CD4: variants seen among roughly 807,000 people sequenced by gnomAD.
The protein encoded by CD4 is CD4 molecule.
In CD4, 25 loss-of-function variants were observed where a neutral mutation model predicts 50.5. The ratio of observed to expected loss-of-function variants is 0.49; its 90% CI spans 0.36 to 0.69. The LOEUF is 0.69. CD4 is among the 30% of genes least tolerant of loss of function. CD4 has a pLI of 0.00. For synonymous variants in CD4, 207 were observed against 221.9 expected (o/e 0.93, Z 0.60); for missense variants, 456 against 548.5 (o/e 0.83, Z 1.68).
intron 3 of CD4, among the ~76,000 whole-genome samples, chr12:6,813,841 A>G (rs782504965): frequency 6.6e-6 from 1 of 152,304 alleles, no homozygotes; most frequent in South Asian, 2.1e-4. Flanking sequence ...TGTTGACAGT[A>G]TCTATTTCTC....
At chr12:6,802,923 A>C (rs1942607970) in intron 3 of CD4, among the ~76,000 whole-genome samples, 1 of 151,394 alleles carries the variant, frequency 6.6e-6, no homozygotes, top group South Asian at 2.1e-4. Context: ...TTTATTAGAG[A>C]CAGGGTTCCA....
chr12:6,812,699 G>A (rs552218333), intron 3 of CD4, among the ~76,000 whole-genome samples: 7 of 151,730 alleles, frequency 4.6e-5, no homozygotes, highest in African/African-American at 1.2e-4. Flanking sequence ...AAAGCAAAGG[G>A]CATATAGTGA....
In CD4 at chr12:6,814,126, T is replaced by C. The variant is rs781813157; in HGVS notation, c.215-16T>C. ...CAGGGCGCCTCAGTCCCCCCCCATATGTCTTCTGCTCCCAGGTCCATCCAA... is the reference window on the plus strand; with the variant it reads ...CAGGGCGCCTCAGTCCCCCCCCATACGTCTTCTGCTCCCAGGTCCATCCAA... On this transcript the variant is annotated splice_polypyrimidine_tract_variant and intron_variant, in intron 3 of 9. Coordinates refer to ENST00000011653, the MANE Select transcript of CD4 (RefSeq NM_000616.5). 6.2e-7 allele frequency: 1 copy of C among 1,611,784 alleles called. No individual in the cohort carries two copies.
chr12:6,804,162 GCACACACACA>G (rs57392353), intron 3 of CD4, among the ~76,000 whole-genome samples: 20 of 150,466 alleles, frequency 1.3e-4, no homozygotes, highest in African/African-American at 4.6e-4. Flanking sequence ...AAAATAAAAA[GCACACACACA>G]CACACACACA....
chr12:6,818,726 T>G lies in CD4; in HGVS notation c.1279-121T>G. 4 of 1,178,532 alleles carry G rather than the reference T, an allele frequency of 3.4e-6. No individual in the cohort carries two copies. Among genetic ancestry groups the G allele is most frequent in the Non-Finnish European group, 5.1e-6 (4 of 791,306 alleles). The allele number at this position is 1,178,532 out of a possible 1,614,324, so 73.0% of individuals were successfully genotyped here. On this transcript the variant is annotated intron_variant, in intron 8 of 9. Transcript: ENST00000011653. This position sits in a 1 kb window ranked among gnomAD's most constrained non-coding sequence, Gnocchi z 5.0. The stretch of plus-strand genomic sequence containing the variant: ...AAGGAGCAGAGAGTTAATTCCAGGA[T>G]AGATGGCCTGGGCCATGTAACTGCT...
chr12:6,793,145 C>A (rs959548818), intron 1 of CD4, among the ~76,000 whole-genome samples: 2 of 152,018 alleles, frequency 1.3e-5, no homozygotes, highest in Non-Finnish European at 2.9e-5. Flanking sequence ...CCCAAAGCAC[C>A]AAAGCAAGCA....
chr12:6,808,707 T>C (rs1942848442), intron 3 of CD4, among the ~76,000 whole-genome samples: 1 of 152,116 alleles, frequency 6.6e-6, no homozygotes, highest in African/African-American at 2.4e-5. Context: ...TCCCCTAATA[T>C]ATGGCCATTA....
At chr12:6,802,288 C>T (rs1942588080) in intron 3 of CD4, among the ~76,000 whole-genome samples, 1 of 151,676 alleles carries the variant, frequency 6.6e-6, no homozygotes, top group Non-Finnish European at 1.5e-5. Flanking sequence ...GAGATATCCT[C>T]TGCTAACATT....
chr12:6,819,085 G>A (rs1555118626), intron 9 of CD4, among the ~76,000 whole-genome samples, 171 bp downstream of exon 9: 1 of 151,706 alleles, frequency 6.6e-6, no homozygotes, highest in African/African-American at 2.4e-5. Flanking sequence ...GGGCTAAAGG[G>A]GTGTGGTGGA....
Position 6,818,647 on chromosome 12 carries a change from A to G in CD4, c.1278+105A>G. 1 of 1,419,200 alleles carries G rather than the reference A, an allele frequency of 7.0e-7. No homozygotes were observed. 87.9% of individuals were successfully genotyped at this position (1,419,200 alleles called of 1,614,324 possible). On this transcript the variant is annotated intron_variant, in intron 8 of 9. Coordinates refer to ENST00000011653, the MANE Select transcript of CD4 (RefSeq NM_000616.5). The surrounding 1 kb of genome is among the most constrained non-coding windows in gnomAD (Gnocchi z 5.0). The stretch of plus-strand genomic sequence containing the variant: ...GATTTTGGCCCAGCTCCCTCTGCCC[A>G]CTCGTAAGTTCCCTTGCTGCCCTGT...
chr12:6,811,371 G>A (rs1942929555), intron 3 of CD4, among the ~76,000 whole-genome samples: 1 of 152,088 alleles, frequency 6.6e-6, no homozygotes, highest in East Asian at 1.9e-4. Flanking sequence ...ACAAGAAGAG[G>A]CCAAAGGAGA....
chr12:6,810,615 T>C (rs1387716362), intron 3 of CD4, among the ~76,000 whole-genome samples: 2 of 152,118 alleles, frequency 1.3e-5, no homozygotes, highest in Admixed American at 1.3e-4. Flanking sequence ...TAAATGTAGA[T>C]GTCAGAGCAA....
intron 3 of CD4, among the ~76,000 whole-genome samples, chr12:6,813,831 T>C (rs1376400783): frequency 6.6e-6 from 1 of 152,184 alleles, no homozygotes; most frequent in Non-Finnish European, 1.5e-5. Flanking sequence ...AACAAAACAG[T>C]GTTGACAGTA....
chr12:6,794,792 T>TTTTTTTTTTTTTTTTTTTTTTTTTTTTG (rs1942318494), intron 1 of CD4, among the ~76,000 whole-genome samples: 1 of 139,862 alleles, frequency 7.1e-6, no homozygotes, highest in African/African-American at 2.6e-5. Context: ...TTTTGTTTTT[T>TTTTTTTTTTTTTTTTTTTTTTTTTTTTG]TTTTTTTTTT....
intron 3 of CD4, among the ~76,000 whole-genome samples, chr12:6,801,698 C>T (rs1260849849): frequency 1.1e-4 from 16 of 150,568 alleles, no homozygotes; most frequent in East Asian, 2.0e-4. Flanking sequence ...GTAGCTGGGA[C>T]TACAGGCGTA....
At chr12:6,808,449 T>TTAAAAAA (rs1942837885) in intron 3 of CD4, among the ~76,000 whole-genome samples, 1 of 16,262 alleles carries the variant, frequency 6.1e-5, no homozygotes, top group African/African-American at 1.5e-4. Flanking sequence ...AGATTCTGTC[T>TTAAAAAA]CAAAAAAAAA....
chr12:6,817,012 G>A (rs187600871), intron 6 of CD4, 118 bp from the exon 7 acceptor site: 103 of 804,528 alleles, frequency 1.3e-4, no homozygotes, highest in African/African-American at 7.9e-4. Context: ...GTTTTTCCTC[G>A]TAGGACTGCA....
At chr12:6,812,457 A>G (rs2137906293) in intron 3 of CD4, among the ~76,000 whole-genome samples, 1 of 152,294 alleles carries the variant, frequency 6.6e-6, no homozygotes, top group South Asian at 2.1e-4. Flanking sequence ...AGGCGAGCGG[A>G]TCACCTGAGG....
At chr12:6,797,029 G>A (rs553344674) in intron 1 of CD4, among the ~76,000 whole-genome samples, 8 of 152,196 alleles carry the variant, frequency 5.3e-5, no homozygotes, top group South Asian at 2.1e-4. Flanking sequence ...AAACTTGAGC[G>A]TGATCAGTTA....
Sources: gnomAD v4.1 joint callset for allele counts (sites outside exome capture counted in the v4.1 genomes callset) on GRCh38, gnomAD v4.1.1 for gene constraint, Gnocchi (gnomAD v3.1) non-coding constraint, MANE v1.5 for transcripts, NCBI Gene and HGNC (gene_info 2026-07-23, HGNC 2026-07-21) for gene names.